YPEL5: variants seen among roughly 807,000 people sequenced by gnomAD.
YPEL5 encodes the protein yippee like 5.
In YPEL5, 1 loss-of-function variant was observed where a neutral mutation model predicts 10.5. The ratio of observed to expected loss-of-function variants is 0.10; its 90% CI spans 0.03 to 0.45. The LOEUF is 0.45. YPEL5 is among the 20% of genes least tolerant of loss of function. The pLI is 0.97. For synonymous variants in YPEL5, 61 were observed against 56.6 expected, an observed-to-expected ratio of 1.08 and a Z score of -0.35; for missense variants, 68 against 159.3, an observed-to-expected ratio of 0.43 and a Z score of 3.09.
chr2:30,158,980 C>A lies in YPEL5; in HGVS notation c.*137C>A. On this transcript the variant is annotated 3_prime_UTR_variant, in exon 3 of 3. Coordinates refer to ENST00000261353, the MANE Select transcript of YPEL5 (RefSeq NM_016061.3). ...GAGGTTGTGAGAATCTAAGATGGAA[C>A]CTTTCTTTCTTTCTTTCTTTTTTTT... The A allele has an allele frequency of 1.3e-6, 1 of 794,046 alleles. No individual in the cohort carries two copies. The highest frequency in any genetic ancestry group is 2.7e-5 in the East Asian group (1 of 37,112). 49.2% of individuals were successfully genotyped at this position (794,046 alleles called of 1,614,324 possible).
chr2:30,154,952 T>G (rs1675972652), intron 1 of YPEL5, among the ~76,000 whole-genome samples: 1 of 152,122 alleles, frequency 6.6e-6, no homozygotes, highest in Admixed American at 6.5e-5. Flanking sequence ...TTAACCAGGC[T>G]GGTCTTGAAC....
chr2:30,147,948 C>T (rs1313476245), intron 1 of YPEL5: 1 of 152,148 alleles, frequency 6.6e-6, no homozygotes, highest in African/African-American at 2.4e-5. Context: ...CGCTCGCGGG[C>T]CCCACTGCGG....
intron 1 of YPEL5, among the ~76,000 whole-genome samples, chr2:30,152,679 T>A (rs1042305964): frequency 6.6e-6 from 1 of 152,230 alleles, no homozygotes; most frequent in African/African-American, 2.4e-5. Context: ...ACAGTCTCTT[T>A]AATTCATCTA....
intron 1 of YPEL5, among the ~76,000 whole-genome samples, chr2:30,153,838 A>G (rs896586057): frequency 2.6e-5 from 4 of 152,260 alleles, no homozygotes; most frequent in African/African-American, 4.8e-5. Context: ...AATGAATCAT[A>G]TAATTGAATC....
chr2:30,150,185 GTTAA>G (rs1431488263), intron 1 of YPEL5, among the ~76,000 whole-genome samples: 1 of 152,212 alleles, frequency 6.6e-6, no homozygotes, highest in Non-Finnish European at 1.5e-5. Flanking sequence ...AGTGAAGCCA[GTTAA>G]TTGTTATTGT....
At position 30,159,000 on chromosome 2, in the gene YPEL5, T is replaced by TC. The variant is rs568964102; in HGVS notation, c.*157_*158insC. ...TGGAACCTTTCTTTCTTTCTTTCTTTTTTTTTAAATTTTGTATTTTCCATC... is the reference window on the plus strand; with the variant it reads ...TGGAACCTTTCTTTCTTTCTTTCTTTCTTTTTTAAATTTTGTATTTTCCATC... On this transcript the variant is annotated 3_prime_UTR_variant, in exon 3 of 3. Transcript: ENST00000261353. The TC allele has an allele frequency of 4.2e-4, 305 of 730,894 alleles. No homozygotes were observed. The African/African-American group carries it at 4.9e-3, about 12-fold the overall frequency. The allele number at this position is 730,894 out of a possible 1,614,324, so 45.3% of individuals were successfully genotyped here.
chr2:30,157,548 G>A (rs1267700090), intron 2 of YPEL5, among the ~76,000 whole-genome samples: 1 of 152,308 alleles, frequency 6.6e-6, no homozygotes, highest in Admixed American at 6.5e-5. Context: ...TTGCTGACAG[G>A]AAGAGTGTTT....
intron 1 of YPEL5, among the ~76,000 whole-genome samples, chr2:30,155,582 C>G (rs1676005927): frequency 6.6e-6 from 1 of 152,116 alleles, no homozygotes; most frequent in Non-Finnish European, 1.5e-5. Context: ...TAAATTAAAA[C>G]TGTGGTATAT....
chr2:30,158,261 CTCA>C (rs1204811890), intron 2 of YPEL5, among the ~76,000 whole-genome samples: 1 of 152,230 alleles, frequency 6.6e-6, no homozygotes, highest in African/African-American at 2.4e-5. Flanking sequence ...ATTATTTGCA[CTCA>C]TCATTGAATA....
At chr2:30,156,853 A>C (rs1572760229) in intron 2 of YPEL5, 61 bp downstream of exon 2, 1 of 1,579,926 alleles carries the variant, frequency 6.3e-7, no homozygotes, top group East Asian at 2.2e-5. Context: ...CAGCAACACC[A>C]GAATACCCCC....
chr2:30,150,379 C>T (rs1675727541), intron 1 of YPEL5, among the ~76,000 whole-genome samples: 1 of 152,176 alleles, frequency 6.6e-6, no homozygotes. Flanking sequence ...GGCTGCTGCT[C>T]TCACCATTTT....
At chr2:30,158,507 C>T (rs1315602547) in intron 2 of YPEL5, 112 bp from the exon 3 acceptor site, 1 of 1,014,552 alleles carries the variant, frequency 9.9e-7, no homozygotes, top group Non-Finnish European at 1.5e-6. Flanking sequence ...ACTAAACTAA[C>T]AAGTTCTTTC....
At chr2:30,149,345 A>G (rs866557117) in intron 1 of YPEL5, among the ~76,000 whole-genome samples, 5 of 152,270 alleles carry the variant, frequency 3.3e-5, no homozygotes, top group Non-Finnish European at 7.3e-5. Flanking sequence ...ACAGGACATC[A>G]TTTGACACAG....
At chr2:30,152,698 A>T (rs1675854672) in intron 1 of YPEL5, among the ~76,000 whole-genome samples, 1 of 152,206 alleles carries the variant, frequency 6.6e-6, no homozygotes, top group Admixed American at 6.5e-5. Flanking sequence ...TATAAAAGTG[A>T]GGTGATAAAT....
Position 30,158,842 on chromosome 2 carries a change from G to A in YPEL5, c.365G>A (p.Ter122=), listed in dbSNP as rs748427434. ...FEEHVPSDNS[*] ...GAGCATGTACCATCTGATAACTCTT[G>A]AAGATACAGAGAGAAATCCATCTTT... The change falls in exon 3 of 3, where the codon TGA becomes TAA. Residue 122 remains the stop codon, a stop_retained_variant. Coordinates refer to ENST00000261353, the MANE Select transcript of YPEL5 (RefSeq NM_016061.3). 19 of 1,613,754 alleles carry A rather than the reference G, an allele frequency of 1.2e-5. No homozygotes were observed. Among genetic ancestry groups the A allele is most frequent in the Middle Eastern group, 3.3e-4 (2 of 6,084 alleles).
At chr2:30,157,396 C>T (rs1041280686) in intron 2 of YPEL5, among the ~76,000 whole-genome samples, 1 of 152,160 alleles carries the variant, frequency 6.6e-6, no homozygotes, top group African/African-American at 2.4e-5. Context: ...TCAAGATACC[C>T]ACCTCCCTTT....
At chr2:30,150,785 A>T (rs1165160486) in intron 1 of YPEL5, among the ~76,000 whole-genome samples, 3 of 152,210 alleles carry the variant, frequency 2.0e-5, no homozygotes, top group Non-Finnish European at 2.9e-5. Flanking sequence ...AAGCAGGGAA[A>T]ACTTTTTTTT....
Position 30,159,079 on chromosome 2 carries a change from A to T in YPEL5, c.*236A>T. ...GCAGATGCCGTTAATTTTTTACCCT[A>T]TGTTTACATCTTGAGGCAGCAGAGT... On this transcript the variant is annotated 3_prime_UTR_variant, in exon 3 of 3. Coordinates refer to ENST00000261353, the MANE Select transcript of YPEL5 (RefSeq NM_016061.3). The T allele has an allele frequency of 1.9e-6, 1 of 514,654 alleles. No individual in the cohort carries two copies. The highest frequency in any genetic ancestry group is 3.5e-6 in the Non-Finnish European group (1 of 289,686). 31.9% of individuals were successfully genotyped at this position (514,654 alleles called of 1,614,324 possible). A position where few individuals can be genotyped will look rare whatever the true frequency, so the allele number is the denominator to read the frequency against.
chr2:30,156,033 C>A (rs1676023049), intron 1 of YPEL5: 1 of 152,282 alleles, frequency 6.6e-6, no homozygotes, highest in Admixed American at 6.5e-5. Flanking sequence ...AGAGCTGTGA[C>A]AATTTTGAAA....
Sources: gnomAD v4.1 joint callset for allele counts (sites outside exome capture counted in the v4.1 genomes callset) on GRCh38, gnomAD v4.1.1 for gene constraint, MANE v1.5 for transcripts, NCBI Gene and HGNC (gene_info 2026-07-23, HGNC 2026-07-21) for gene names.